Variants in CCDC73 observed in about 807,000 individuals in gnomAD.
The protein encoded by CCDC73 is coiled-coil domain-containing protein 73.
CCDC73 carries 95 observed loss-of-function variants against 116.5 expected under a neutral mutation model. The ratio of observed to expected loss-of-function variants is 0.82; its 90% confidence interval spans 0.69 to 0.97. CCDC73 has a LOEUF of 0.97. Ranked by LOEUF, CCDC73 falls within the 50% of genes least tolerant of loss-of-function variation. CCDC73 has a pLI of 0.00. For missense variants in CCDC73, 1,066 were observed against 1,206.8 expected (o/e 0.88, Z 1.73); for synonymous variants, 398 against 401.3 (o/e 0.99, Z 0.10).
rs369352957 is a variant in CCDC73 at position 32,613,891 on chromosome 11, T to G, written c.2427A>C (p.Lys809Asn). 3 of 1,613,238 alleles carry G rather than the reference T, an allele frequency of 1.9e-6. No homozygotes were observed. The highest frequency in any genetic ancestry group is 3.3e-5 in the Admixed American group (2 of 60,020). Residue 809 changes from lysine (K) to asparagine (N), a missense_variant, in exon 16 of 18, where the codon AAA (lysine) becomes AAC (asparagine). Physicochemically the swap from Lys to Asn is moderately conservative, Grantham distance 94 (BLOSUM62 0). Coordinates refer to ENST00000335185, the MANE Select transcript of CCDC73 (RefSeq NM_001008391.4). ...CCTGATTCTCATCAATCTGATTCTT[T>G]TTATTGGAAAACTCTGTTTCTGTGC... is the stretch of plus-strand genomic sequence containing the variant. ...KTCTETEFSNKKNQIDENQVT... is the reference protein window; with the variant it reads ...KTCTETEFSNNKNQIDENQVT...
intron 2 of CCDC73, among the ~76,000 whole-genome samples, chr11:32,742,704 C>T (rs200152544): frequency 2.0e-5 from 3 of 151,958 alleles, no homozygotes; most frequent in South Asian, 2.1e-4. Context: ...CATTGCTTTT[C>T]GTGTTTTAGA....
chr11:32,677,966 A>G (rs2133289875), intron 7 of CCDC73, among the ~76,000 whole-genome samples: 1 of 149,370 alleles, frequency 6.7e-6, no homozygotes, highest in South Asian at 2.1e-4. Flanking sequence ...AAAAAAAAAA[A>G]AAAAAAAAAA....
intron 1 of CCDC73, among the ~76,000 whole-genome samples, chr11:32,760,788 A>G (rs115776236): frequency 0.014 from 2,203 of 152,320 alleles, 49 homozygotes; most frequent in African/African-American, 0.049. Context: ...TCAGTATGAA[A>G]CAATGATCAA....
At chr11:32,619,813 AAGAAGG>A (rs1324676783) in intron 14 of CCDC73, among the ~76,000 whole-genome samples, 3 of 146,878 alleles carry the variant, frequency 2.0e-5, no homozygotes, top group Admixed American at 6.8e-5. Flanking sequence ...GGAGGAGGTG[AAGAAGG>A]AGAAGGAGAA....
intron 17 of CCDC73, among the ~76,000 whole-genome samples, chr11:32,608,493 G>A (rs1020523663): frequency 1.8e-4 from 28 of 152,312 alleles, no homozygotes; most frequent in African/African-American, 6.5e-4. Context: ...CCACACCCCT[G>A]TGGCTTTGCA....
At chr11:32,776,360 A>C (rs776949842) in intron 1 of CCDC73, among the ~76,000 whole-genome samples, 7 of 152,126 alleles carry the variant, frequency 4.6e-5, no homozygotes, top group Non-Finnish European at 1.0e-4. Context: ...AAACTCAAAG[A>C]GTTCTTTTTG....
At chr11:32,641,825 A>G in intron 13 of CCDC73, 147 bp downstream of exon 13, 1 of 561,338 alleles carries the variant, frequency 1.8e-6, no homozygotes, top group Non-Finnish European at 2.6e-6. Context: ...AAAAGCATTC[A>G]CCTTTTTGGA....
intron 6 of CCDC73, among the ~76,000 whole-genome samples, chr11:32,690,852 C>T (rs1042469307): frequency 3.9e-5 from 6 of 152,130 alleles, no homozygotes; most frequent in Non-Finnish European, 7.4e-5. Flanking sequence ...AATTAATGAA[C>T]CTACACTGAC....
chr11:32,721,308 A>G (rs1184536756), intron 2 of CCDC73, among the ~76,000 whole-genome samples: 2 of 152,192 alleles, frequency 1.3e-5, no homozygotes, highest in African/African-American at 2.4e-5. Flanking sequence ...TACAGGAATG[A>G]GCCACTGCAC....
intron 14 of CCDC73, among the ~76,000 whole-genome samples, chr11:32,627,952 C>T (rs1453784672): frequency 6.6e-6 from 1 of 152,030 alleles, no homozygotes; most frequent in East Asian, 1.9e-4. Flanking sequence ...CACATATACC[C>T]TAAAAATTAA....
chr11:32,827,823 T>A, the CCDC73 span, among the ~76,000 whole-genome samples: 3 of 152,168 alleles, frequency 2.0e-5, no homozygotes, highest in African/African-American at 7.2e-5. Context: ...ACAGAAGCTG[T>A]GGTGTCCATC....
rs34935006 is a variant in CCDC73 at position 32,609,946 on chromosome 11, A to ATTT, written c.3030+1183_3030+1185dup. Among the ~76,000 whole-genome samples the ATTT allele has an allele frequency of 7.3e-3, 1,009 of 138,566 alleles. 15 individuals are homozygous for ATTT. The highest frequency in any genetic ancestry group is 0.015 in the African/African-American group (540 of 37,028). The allele number at this position is 138,566 out of a possible 152,430, so 90.9% of individuals were successfully genotyped here. The stretch of plus-strand genomic sequence containing the variant: ...AGGTGCCTGTCACCAAGCCCAGCTA[A>ATTT]TTTTTTTTTTTTTTTTGTATTTTTA... On this transcript the variant is annotated intron_variant, in intron 17 of 17. Coordinates refer to ENST00000335185, the MANE Select transcript of CCDC73 (RefSeq NM_001008391.4).
the CCDC73 span, among the ~76,000 whole-genome samples, chr11:32,807,477 A>C: frequency 8.3e-4 from 127 of 152,302 alleles, no homozygotes; most frequent in Middle Eastern, 6.8e-3. Flanking sequence ...TTTGCATGCC[A>C]TACATAAAGT....
chr11:32,623,499 C>T (rs2133230277), intron 14 of CCDC73, among the ~76,000 whole-genome samples: 1 of 152,170 alleles, frequency 6.6e-6, no homozygotes, highest in South Asian at 2.1e-4. Context: ...CACCAGTGTG[C>T]ACCGCCATGC....
chr11:32,824,812 C>T, the CCDC73 span, among the ~76,000 whole-genome samples: 49 of 152,176 alleles, frequency 3.2e-4, no homozygotes, highest in African/African-American at 1.2e-3. Context: ...AGCCTGGTGC[C>T]GTGGCTCATG....
rs552481965 is a variant in CCDC73 at position 32,731,874 on chromosome 11, A to C, written c.136-13727T>G. Reference sequence around the variant, plus strand: ...CACCTCTTCTCCTCCAAAGGAAAGCAGCTCCTCGCCAGCAAAGGAACAAAG... The same window carrying C: ...CACCTCTTCTCCTCCAAAGGAAAGCCGCTCCTCGCCAGCAAAGGAACAAAG... On this transcript the variant is annotated intron_variant, in intron 2 of 17. Transcript: ENST00000335185. Among the ~76,000 whole-genome samples the C allele has an allele frequency of 6.0e-4, 92 of 152,372 alleles. 1 individual carries two copies. Among genetic ancestry groups the C allele is most frequent in the African/African-American group, 1.9e-3 (77 of 41,588 alleles).
At chr11:32,744,828 T>A (rs1258519322) in intron 2 of CCDC73, among the ~76,000 whole-genome samples, 2 of 152,158 alleles carry the variant, frequency 1.3e-5, no homozygotes, top group African/African-American at 4.8e-5. Flanking sequence ...GCAGTCTATC[T>A]ACTTTGTTGA....
intron 12 of CCDC73, among the ~76,000 whole-genome samples, chr11:32,643,582 C>T (rs1324399): frequency 0.25 from 37,378 of 151,808 alleles, 4,736 homozygotes; most frequent in Middle Eastern, 0.28. Flanking sequence ...AATTGTAACA[C>T]AATAGTATTT....
At chr11:32,693,650 G>T (rs555273012) in intron 6 of CCDC73, among the ~76,000 whole-genome samples, 1 of 152,178 alleles carries the variant, frequency 6.6e-6, no homozygotes, top group African/African-American at 2.4e-5. Context: ...GATGAACATC[G>T]ATGCAAAAAT....
Sources: gnomAD v4.1 joint callset for allele counts (sites outside exome capture counted in the v4.1 genomes callset) on GRCh38, gnomAD v4.1.1 for gene constraint, MANE v1.5 for transcripts, NCBI Gene and HGNC (gene_info 2026-07-23, HGNC 2026-07-21) for gene names.